IFNGR2: variants seen among roughly 807,000 people sequenced by gnomAD.
IFNGR2 encodes the protein interferon gamma receptor 2, also known as IFN-gamma receptor 2.
In IFNGR2, 15 loss-of-function variants were observed where a neutral mutation model predicts 41.1. The observed-to-expected ratio is 0.37, with a 90% CI of 0.24 to 0.56. IFNGR2 has a LOEUF of 0.56. Among genes scored for constraint, IFNGR2 ranks in the 20% least tolerant of loss-of-function variants. The pLI, the probability that IFNGR2 is intolerant of heterozygous loss-of-function variation, is 0.81. For synonymous variants in IFNGR2, 161 were observed against 171.6 expected (o/e 0.94, Z 0.48); for missense variants, 362 against 415.7 (o/e 0.87, Z 1.12).
chr21:33,414,750 C>A, intron 1 of IFNGR2, 138 bp from the exon 2 acceptor site: 1 of 1,027,242 alleles, frequency 9.7e-7, no homozygotes, highest in Non-Finnish European at 1.5e-6. Flanking sequence ...CCCAGGGGGA[C>A]CTGGTAATGC....
chr21:33,406,870 A>C (rs2123327585), intron 1 of IFNGR2, among the ~76,000 whole-genome samples: 1 of 152,004 alleles, frequency 6.6e-6, no homozygotes, highest in Middle Eastern at 3.4e-3. Flanking sequence ...GCTGGTTTTG[A>C]ACTCCTGGGG....
chr21:33,406,784 A>G (rs1459683059), intron 1 of IFNGR2, among the ~76,000 whole-genome samples: 1 of 151,588 alleles, frequency 6.6e-6, no homozygotes, highest in African/African-American at 2.4e-5. Context: ...AGTAGCTGGG[A>G]CTACACGTGC....
intron 2 of IFNGR2, among the ~76,000 whole-genome samples, 188 bp downstream of exon 2, chr21:33,415,208 T>A (rs1483005522): frequency 6.6e-6 from 1 of 152,194 alleles, no homozygotes; most frequent in East Asian, 1.9e-4. Context: ...TCTGAAGGCT[T>A]AAACTACACT....
chr21:33,404,918 T>C (rs775878571), intron 1 of IFNGR2, among the ~76,000 whole-genome samples: 17 of 151,760 alleles, frequency 1.1e-4, no homozygotes, highest in Admixed American at 5.9e-4. Flanking sequence ...AGGTCAGGAG[T>C]TCGAGACCAG....
chr21:33,409,810 A>G (rs1365626288), intron 1 of IFNGR2, among the ~76,000 whole-genome samples: 1 of 152,134 alleles, frequency 6.6e-6, no homozygotes, highest in Non-Finnish European at 1.5e-5. Context: ...TTGCTCTCAC[A>G]CATGTCCCTT....
chr21:33,432,578 T>G, intron 5 of IFNGR2, 136 bp from the exon 6 acceptor site: 1 of 995,442 alleles, frequency 1.0e-6, no homozygotes. Flanking sequence ...GCATACCAGG[T>G]GAGGGTGGGG....
chr21:33,406,657 T>C (rs1237839520), intron 1 of IFNGR2, among the ~76,000 whole-genome samples: 1 of 150,904 alleles, frequency 6.6e-6, no homozygotes, highest in African/African-American at 2.4e-5. Flanking sequence ...ACTTTTTTTT[T>C]TTTTTTTTGA....
intron 1 of IFNGR2, among the ~76,000 whole-genome samples, chr21:33,413,997 T>A (rs1235494603): frequency 6.6e-6 from 1 of 151,944 alleles, no homozygotes; most frequent in Non-Finnish European, 1.5e-5. Context: ...CGCACCTGGC[T>A]AACTTTTATA....
At chr21:33,412,786 C>A (rs1486994642) in intron 1 of IFNGR2, among the ~76,000 whole-genome samples, 1 of 152,212 alleles carries the variant, frequency 6.6e-6, no homozygotes, top group Non-Finnish European at 1.5e-5. Context: ...GAACTCCTGA[C>A]CTCAGGTGAT....
chr21:33,415,058 G>C, intron 2 of IFNGR2, 38 bp downstream of exon 2: 1 of 1,613,068 alleles, frequency 6.2e-7, no homozygotes, highest in Non-Finnish European at 8.5e-7. Context: ...GCTGGGAGCT[G>C]TGGGGGCATC....
Position 33,437,378 on chromosome 21 carries a change from A to G in IFNGR2, c.*416A>G. 1 of 191,292 alleles carries G rather than the reference A, an allele frequency of 5.2e-6. No individual in the cohort carries two copies. Among genetic ancestry groups the G allele is most frequent in the Non-Finnish European group, 1.1e-5 (1 of 90,828 alleles). The allele number at this position is 191,292 out of a possible 1,614,324, so 11.8% of individuals were successfully genotyped here. ...GCAGGTCACACAACCTGTCCCAGCGAGGGACACCGAGTGGCCCTTCATGTA... is the reference window on the plus strand; with the variant it reads ...GCAGGTCACACAACCTGTCCCAGCGGGGGACACCGAGTGGCCCTTCATGTA... On this transcript the variant is annotated 3_prime_UTR_variant, in exon 7 of 7. Transcript: ENST00000290219.
At chr21:33,432,976 C>T in intron 6 of IFNGR2, 105 bp downstream of exon 6, 1 of 973,734 alleles carries the variant, frequency 1.0e-6, no homozygotes, top group East Asian at 2.6e-5. Context: ...GCCTCCATCT[C>T]CCAGGTTCAA....
chr21:33,405,103 G>GAAAAAA (rs3057379), intron 1 of IFNGR2, among the ~76,000 whole-genome samples: 13 of 119,686 alleles, frequency 1.1e-4, no homozygotes, highest in Admixed American at 1.8e-4. Context: ...CTCTGTCTCA[G>GAAAAAA]AAAAAAAAAA....
intron 4 of IFNGR2, among the ~76,000 whole-genome samples, chr21:33,430,037 G>A (rs552058334): frequency 1.3e-5 from 2 of 152,304 alleles, no homozygotes; most frequent in Admixed American, 1.3e-4. Flanking sequence ...TACTCAGGAG[G>A]CTGAGGCAGG....
chr21:33,431,725 C>T (rs140560189), intron 4 of IFNGR2, among the ~76,000 whole-genome samples: 71 of 152,306 alleles, frequency 4.7e-4, no homozygotes, highest in Middle Eastern at 3.4e-3. Context: ...TGTGTGCCAC[C>T]ACATCCAGCT....
At chr21:33,403,782 G>A (rs2083658083) in intron 1 of IFNGR2, among the ~76,000 whole-genome samples, 166 bp downstream of exon 1, 2 of 152,156 alleles carry the variant, frequency 1.3e-5, no homozygotes, top group South Asian at 4.1e-4. Context: ...GCTCAGATCA[G>A]GTGGGAACCT....
intron 2 of IFNGR2, 49 bp downstream of exon 2, chr21:33,415,069 G>T: frequency 1.9e-6 from 3 of 1,610,028 alleles, no homozygotes; most frequent in Non-Finnish European, 2.5e-6. Flanking sequence ...TGGGGGCATC[G>T]TGCGGAACCC....
intron 1 of IFNGR2, among the ~76,000 whole-genome samples, chr21:33,409,787 T>C (rs1228314149): frequency 6.6e-6 from 1 of 152,228 alleles, no homozygotes; most frequent in East Asian, 1.9e-4. Context: ...AAATGTGTCG[T>C]TATTTTTTCC....
chr21:33,407,136 T>C (rs907614657), intron 1 of IFNGR2, among the ~76,000 whole-genome samples: 2 of 152,042 alleles, frequency 1.3e-5, no homozygotes, highest in African/African-American at 4.8e-5. Flanking sequence ...GTTAGTTACC[T>C]GAGTGTTGAG....
Sources: gnomAD v4.1 joint callset for allele counts (sites outside exome capture counted in the v4.1 genomes callset) on GRCh38, gnomAD v4.1.1 for gene constraint, MANE v1.5 for transcripts, NCBI Gene and HGNC (gene_info 2026-07-23, HGNC 2026-07-21) for gene names.